Variants in MSI2 observed in about 807,000 individuals in gnomAD.
MSI2 encodes musashi RNA binding protein 2.
MSI2 carries 17 observed loss-of-function variants against 45.6 expected under a neutral mutation model. The ratio of observed to expected loss-of-function variants is 0.37; its 90% CI spans 0.26 to 0.56. The LOEUF (loss-of-function observed/expected upper bound fraction) is 0.56, where lower values mean the gene tolerates loss of function less well. Ranked by LOEUF, MSI2 falls within the 20% of genes least tolerant of loss-of-function variation. The pLI, the probability that MSI2 is intolerant of heterozygous loss-of-function variation, is 0.77. For synonymous variants in MSI2, 156 were observed against 158.2 expected (o/e 0.99, Z 0.11); for missense variants, 293 against 444.2 (o/e 0.66, Z 3.06).
intron 6 of MSI2, among the ~76,000 whole-genome samples, chr17:57,505,169 C>T (rs945249622): frequency 5.9e-5 from 9 of 151,976 alleles, no homozygotes; most frequent in African/African-American, 2.2e-4. Context: ...CACGGGAAAC[C>T]AACAGCAAAG....
At chr17:57,673,346 G>T (rs1389789885) in intron 11 of MSI2, among the ~76,000 whole-genome samples, 1 of 152,228 alleles carries the variant, frequency 6.6e-6, no homozygotes, top group Non-Finnish European at 1.5e-5. Context: ...CACCTGCATC[G>T]ATGTTCTTTG....
chr17:57,495,932 A>G (rs1277203646), intron 6 of MSI2, among the ~76,000 whole-genome samples: 2 of 152,242 alleles, frequency 1.3e-5, no homozygotes. Context: ...TTGGATTAAC[A>G]TGACATAAAG....
At chr17:57,598,628 A>G (rs1905505976) in intron 8 of MSI2, among the ~76,000 whole-genome samples, 2 of 152,068 alleles carry the variant, frequency 1.3e-5, no homozygotes, top group African/African-American at 4.8e-5. Flanking sequence ...GCAAGTTTAC[A>G]GTTGGTACTT....
At chr17:57,632,037 A>C in intron 10 of MSI2, 1 of 1,350,380 alleles carries the variant, frequency 7.4e-7, no homozygotes, top group Non-Finnish European at 9.5e-7. Flanking sequence ...ATTATTCTCC[A>C]GTCCCCTCCC....
chr17:57,435,541 G>A (rs977443187), intron 6 of MSI2, among the ~76,000 whole-genome samples: 1 of 152,198 alleles, frequency 6.6e-6, no homozygotes, highest in African/African-American at 2.4e-5. Context: ...AGCACCAAAG[G>A]TGATCTGGCT....
At chr17:57,429,662 G>A (rs2084558281) in intron 6 of MSI2, among the ~76,000 whole-genome samples, 1 of 152,030 alleles carries the variant, frequency 6.6e-6, no homozygotes, top group African/African-American at 2.4e-5. Flanking sequence ...GTCATAGCCA[G>A]TGGAGCTCTA....
chr17:57,335,370 C>T (rs569246864), intron 5 of MSI2, among the ~76,000 whole-genome samples: 3 of 152,228 alleles, frequency 2.0e-5, no homozygotes, highest in African/African-American at 7.2e-5. Context: ...AGCTCTTAAA[C>T]GGGCAGGCCA....
chr17:57,400,774 G>T (rs2083974138), intron 5 of MSI2, among the ~76,000 whole-genome samples: 1 of 152,118 alleles, frequency 6.6e-6, no homozygotes, highest in Non-Finnish European at 1.5e-5. Context: ...GAACGAAAGT[G>T]TAGGGATCTG....
At position 57,398,854 on chromosome 17, in the gene MSI2, G is replaced by A. The variant is rs2083937663; in HGVS notation, c.313-2525G>A. ...AGCAAAGTTAGATTAGTAAAATTTG[G>A]TGATTCATGAGTGTAGGGACAGATG... On this transcript the variant is annotated intron_variant, in intron 5 of 13. Coordinates refer to ENST00000284073, the MANE Select transcript of MSI2 (RefSeq NM_138962.4). Among the ~76,000 whole-genome samples, 3 of 151,632 alleles carry A rather than the reference G, an allele frequency of 2.0e-5. No homozygotes were observed. The South Asian group carries it at 6.2e-4, about 32-fold the overall frequency.
intron 10 of MSI2, among the ~76,000 whole-genome samples, chr17:57,634,138 T>C (rs1909646971): frequency 6.6e-6 from 1 of 152,178 alleles, no homozygotes; most frequent in African/African-American, 2.4e-5. Context: ...ATAAGACCAA[T>C]TGAACATCAT....
chr17:57,563,703 G>GTCTGTCTC (rs1450234944), intron 7 of MSI2, among the ~76,000 whole-genome samples: 3 of 147,854 alleles, frequency 2.0e-5, no homozygotes, highest in Admixed American at 1.3e-4. Context: ...CTGTCTGTCT[G>GTCTGTCTC]TCTGTCTCTC....
At chr17:57,483,947 T>C (rs1376502275) in intron 6 of MSI2, among the ~76,000 whole-genome samples, 1 of 152,078 alleles carries the variant, frequency 6.6e-6, no homozygotes, top group Non-Finnish European at 1.5e-5. Context: ...AAAATGTAAG[T>C]GGTTTGTAGG....
intron 6 of MSI2, among the ~76,000 whole-genome samples, chr17:57,516,697 T>C (rs1317383838): frequency 6.6e-6 from 1 of 152,222 alleles, no homozygotes. Flanking sequence ...ATCAATAGTT[T>C]CTACTTTTCA....
At chr17:57,292,978 A>G (rs922030570) in intron 5 of MSI2, among the ~76,000 whole-genome samples, 6 of 152,202 alleles carry the variant, frequency 3.9e-5, no homozygotes, top group African/African-American at 1.4e-4. Context: ...CAAAGGTTTC[A>G]GAAAAAGACC....
At chr17:57,380,874 T>G (rs1201684745) in intron 5 of MSI2, among the ~76,000 whole-genome samples, 1 of 152,176 alleles carries the variant, frequency 6.6e-6, no homozygotes, top group East Asian at 1.9e-4. Context: ...CATCGAGTTA[T>G]CCTTCTGGCT....
chr17:57,603,694 C>G (rs1393917488), intron 8 of MSI2, among the ~76,000 whole-genome samples: 2 of 152,216 alleles, frequency 1.3e-5, no homozygotes, highest in Non-Finnish European at 2.9e-5. Context: ...CATTGTAGCA[C>G]AAACACAGTC....
intron 11 of MSI2, among the ~76,000 whole-genome samples, chr17:57,668,763 C>A (rs1912559037): frequency 6.6e-6 from 1 of 152,150 alleles, no homozygotes; most frequent in Admixed American, 6.5e-5. Flanking sequence ...AAAAGAAATC[C>A]CATCACATTG....
intron 7 of MSI2, among the ~76,000 whole-genome samples, chr17:57,556,348 C>G (rs182331775): frequency 4.8e-4 from 73 of 152,282 alleles, no homozygotes; most frequent in Admixed American, 4.1e-3. Context: ...AACTCATTTC[C>G]CCTTCCTCCA....
In MSI2 at chr17:57,549,175, C is replaced by T. The variant is rs114194164; in HGVS notation, c.454+19451C>T. ...CAGGCGTGAGCCGCCGGGCGCCGGC[C>T]GACAGAATTGTTAATGAGTATATAT... On this transcript the variant is annotated intron_variant, in intron 7 of 13. Coordinates refer to ENST00000284073, the MANE Select transcript of MSI2 (RefSeq NM_138962.4). 4.6e-3 allele frequency among the ~76,000 whole-genome samples: 702 copies of T among 152,254 alleles called. 8 individuals carry two copies. The highest frequency in any genetic ancestry group is 0.016 in the African/African-American group (664 of 41,554).
Sources: gnomAD v4.1 joint callset for allele counts (sites outside exome capture counted in the v4.1 genomes callset) on GRCh38, gnomAD v4.1.1 for gene constraint, MANE v1.5 for transcripts, NCBI Gene and HGNC (gene_info 2026-07-23, HGNC 2026-07-21) for gene names.